Variants in SPIN1 observed in about 807,000 individuals in gnomAD.
SPIN1 encodes spindlin-1.
SPIN1 carries 3 observed loss-of-function variants against 26.0 expected under a neutral mutation model. That is an observed-to-expected ratio of 0.12 (90% confidence interval 0.05 to 0.30). The LOEUF (loss-of-function observed/expected upper bound fraction) is 0.30. Ranked by LOEUF, SPIN1 falls within the 10% of genes least tolerant of loss-of-function variation. The pLI is 1.00. For synonymous variants in SPIN1, 101 were observed against 116.5 expected (o/e 0.87, Z 0.86); for missense variants, 126 against 333.4 (o/e 0.38, Z 4.84).
intron 1 of SPIN1, among the ~76,000 whole-genome samples, chr9:88,423,044 ATAT>A (rs1432842665): frequency 6.6e-6 from 1 of 152,282 alleles, no homozygotes; most frequent in African/African-American, 2.4e-5. Context: ...TTGCGTTCTA[ATAT>A]TATTCAAATA....
chr9:88,461,213 T>G (rs868007016), intron 3 of SPIN1, among the ~76,000 whole-genome samples: 1 of 152,216 alleles, frequency 6.6e-6, no homozygotes, highest in Non-Finnish European at 1.5e-5. Flanking sequence ...GTAAGGATTG[T>G]GTACTCAGAA....
intron 2 of SPIN1, among the ~76,000 whole-genome samples, chr9:88,447,585 G>A (rs980599523): frequency 6.6e-6 from 1 of 152,168 alleles, no homozygotes; most frequent in African/African-American, 2.4e-5. Context: ...AAGAGGTGGC[G>A]ATGGAATCTG....
At chr9:88,418,156 C>T (rs1361424475) in intron 1 of SPIN1, among the ~76,000 whole-genome samples, 1 of 152,186 alleles carries the variant, frequency 6.6e-6, no homozygotes, top group Non-Finnish European at 1.5e-5. Flanking sequence ...CTCTCCTCTA[C>T]CCGCCTCCCT....
At chr9:88,420,324 G>A (rs1044654338) in intron 1 of SPIN1, among the ~76,000 whole-genome samples, 8 of 152,316 alleles carry the variant, frequency 5.3e-5, no homozygotes, top group Non-Finnish European at 1.2e-4. Context: ...GCAGTGAGCC[G>A]AGATTGCGCC....
intron 1 of SPIN1, among the ~76,000 whole-genome samples, chr9:88,417,978 T>C (rs1189100077): frequency 6.6e-6 from 1 of 151,918 alleles, no homozygotes; most frequent in Admixed American, 6.6e-5. Context: ...AAAGAAGGAG[T>C]GTGGAACTCC....
At chr9:88,462,108 T>G in intron 3 of SPIN1, among the ~76,000 whole-genome samples, 1 of 152,224 alleles carries the variant, frequency 6.6e-6, no homozygotes, top group East Asian at 1.9e-4. Flanking sequence ...GTGTGATTAT[T>G]GATAACATGT....
intron 1 of SPIN1, among the ~76,000 whole-genome samples, chr9:88,402,768 A>G (rs1440177166): frequency 6.6e-6 from 1 of 152,186 alleles, no homozygotes; most frequent in Non-Finnish European, 1.5e-5. Context: ...TGTGGTAAAC[A>G]GGTGAGTGTA....
At position 88,465,478 on chromosome 9, in the gene SPIN1, T is replaced by C. The variant is rs930463511; in HGVS notation, c.355+2729T>C. ...CAGTTGCTATTTACTGTTTTTGTCATAGTGGTCATCCTGATGGGTGTGATA... is the reference window on the plus strand; with the variant it reads ...CAGTTGCTATTTACTGTTTTTGTCACAGTGGTCATCCTGATGGGTGTGATA... On this transcript the variant is annotated intron_variant, in intron 4 of 5. Transcript: ENST00000375859. Among the ~76,000 whole-genome samples, 9 of 152,182 alleles carry C rather than the reference T, an allele frequency of 5.9e-5. 1 individual carries two copies. In the South Asian group the frequency reaches 1.9e-3, roughly 32 times the overall value.
At chr9:88,462,090 A>G (rs1205365417) in intron 3 of SPIN1, among the ~76,000 whole-genome samples, 1 of 152,240 alleles carries the variant, frequency 6.6e-6, no homozygotes, top group Non-Finnish European at 1.5e-5. Flanking sequence ...ATATAAAACT[A>G]TATACCTGTG....
In SPIN1 at chr9:88,393,840, A is replaced by G. The variant is rs190574752; in HGVS notation, c.-159+5302A>G. Among the ~76,000 whole-genome samples the G allele has an allele frequency of 1.3e-4, 19 of 150,412 alleles. No individual in the cohort carries two copies. In the East Asian group the frequency reaches 2.6e-3, roughly 21 times the overall value. On this transcript the variant is annotated intron_variant, in intron 1 of 5. Coordinates refer to ENST00000375859, the MANE Select transcript of SPIN1 (RefSeq NM_006717.3). ...TAGACCCATGGATTTTTATGTATCC[A>G]ATGTGTGTTTTTGGTTTTTTAAATT...
At chr9:88,392,608 C>CTTCCTTCCTTCT (rs1826951163) in intron 1 of SPIN1, among the ~76,000 whole-genome samples, 2 of 152,000 alleles carry the variant, frequency 1.3e-5, no homozygotes, top group East Asian at 1.9e-4. Flanking sequence ...TCCTTCCCTC[C>CTTCCTTCCTTCT]TTCCTTCCTT....
At chr9:88,397,347 T>A (rs1255773149) in intron 1 of SPIN1, among the ~76,000 whole-genome samples, 1 of 152,094 alleles carries the variant, frequency 6.6e-6, no homozygotes. Flanking sequence ...CAGCCTCATC[T>A]TGTACTGTTT....
chr9:88,437,466 C>T (rs1378085740), intron 2 of SPIN1, among the ~76,000 whole-genome samples: 4 of 151,692 alleles, frequency 2.6e-5, no homozygotes, highest in Non-Finnish European at 4.4e-5. Context: ...CTACCACACT[C>T]CAGCCTGGGC....
intron 1 of SPIN1, among the ~76,000 whole-genome samples, chr9:88,425,932 C>T (rs1250782782): frequency 6.6e-6 from 1 of 152,134 alleles, no homozygotes; most frequent in Non-Finnish European, 1.5e-5. Flanking sequence ...GCTGTCCTTC[C>T]ACTCTGCCTC....
chr9:88,444,720 TTG>T (rs1444090100), intron 2 of SPIN1, among the ~76,000 whole-genome samples: 1 of 147,094 alleles, frequency 6.8e-6, no homozygotes, highest in Non-Finnish European at 1.5e-5. Flanking sequence ...AGATGGAGTC[TTG>T]CTCTGTCGCC....
At chr9:88,434,095 A>G (rs999943798) in intron 2 of SPIN1, among the ~76,000 whole-genome samples, 4 of 152,060 alleles carry the variant, frequency 2.6e-5, no homozygotes. Context: ...TTGGTTTAGA[A>G]TTTCTAATCC....
chr9:88,422,951 C>T (rs1189554222), intron 1 of SPIN1, among the ~76,000 whole-genome samples: 5 of 152,144 alleles, frequency 3.3e-5, no homozygotes, highest in Middle Eastern at 3.4e-3. Context: ...CTCAGGTGAT[C>T]GTCCACCTCG....
chr9:88,415,909 A>C (rs1827552333), intron 1 of SPIN1, among the ~76,000 whole-genome samples: 1 of 129,862 alleles, frequency 7.7e-6, no homozygotes. Context: ...ATGCTCGGCT[A>C]ATTTTTTTTT....
chr9:88,432,575 C>G (rs961548180), intron 2 of SPIN1, among the ~76,000 whole-genome samples: 1 of 151,840 alleles, frequency 6.6e-6, no homozygotes, highest in Non-Finnish European at 1.5e-5. Flanking sequence ...ACCTCTGCTT[C>G]CCCTGTTAAG....
Sources: gnomAD v4.1 joint callset for allele counts (sites outside exome capture counted in the v4.1 genomes callset) on GRCh38, gnomAD v4.1.1 for gene constraint, MANE v1.5 for transcripts, NCBI Gene and HGNC (gene_info 2026-07-23, HGNC 2026-07-21) for gene names.